The following TENM2 variants were observed in gnomAD, a reference collection of about 807,000 sequenced individuals.
TENM2 encodes teneurin-2.
In TENM2, 52 loss-of-function variants were observed where a neutral mutation model predicts 245.2. The observed-to-expected ratio is 0.21, with a 90% CI of 0.17 to 0.27. The LOEUF (loss-of-function observed/expected upper bound fraction) is 0.27. TENM2 is among the 10% of genes least tolerant of loss of function. The probability of loss-of-function intolerance (pLI) is 1.00; values close to 1 mark genes in which losing one functional copy is unlikely to be tolerated. For synonymous variants in TENM2, 1,363 were observed against 1,438.9 expected (o/e 0.95, Z 1.19); for missense variants, 3,046 against 3,666.8 (o/e 0.83, Z 4.37).
chr5:167,493,288 A>AG (rs1768566040), intron 2 of TENM2, among the ~76,000 whole-genome samples: 1 of 152,048 alleles, frequency 6.6e-6, no homozygotes, highest in Admixed American at 6.6e-5. Flanking sequence ...TAAAAAGAAA[A>AG]GAAAAAAAAG....
At chr5:167,710,789 C>T (rs1389934415) in intron 2 of TENM2, among the ~76,000 whole-genome samples, 1 of 152,178 alleles carries the variant, frequency 6.6e-6, no homozygotes, top group East Asian at 1.9e-4. Context: ...CTTGTATCTA[C>T]TACAGATCAC....
At position 167,488,529 on chromosome 5, in the gene TENM2, C is replaced by T. The variant is rs533224844; in HGVS notation, c.502+113056C>T. Among the ~76,000 whole-genome samples the T allele has an allele frequency of 1.6e-4, 25 of 152,256 alleles. 2 individuals carry two copies. The South Asian group carries it at 5.0e-3, about 30-fold the overall frequency. ...CCTGGCCTTCCAGGATGGTTTTGCT[C>T]GTGACTCATTAACTACTGTTCTTCA... On this transcript the variant is annotated intron_variant, in intron 2 of 28. Coordinates refer to ENST00000518659, the Ensembl canonical transcript of TENM2.
At chr5:167,929,111 AAGAAAGAAAGAAAGAAAG>A (rs549107398) in intron 3 of TENM2, among the ~76,000 whole-genome samples, 1 of 142,508 alleles carries the variant, frequency 7.0e-6, no homozygotes, top group East Asian at 2.2e-4. Flanking sequence ...GAAAGAAAGA[AAGAAAGAAAGAAAGAAAG>A]AAAAGAAAGA....
intron 3 of TENM2, among the ~76,000 whole-genome samples, chr5:167,942,827 A>G (rs1779297377): frequency 6.6e-6 from 1 of 152,176 alleles, no homozygotes; most frequent in Non-Finnish European, 1.5e-5. Context: ...CCAGTAAACA[A>G]TTACCAGCAA....
intron 2 of TENM2, among the ~76,000 whole-genome samples, chr5:167,401,165 C>T (rs150184555): frequency 2.0e-5 from 3 of 152,192 alleles, no homozygotes; most frequent in Non-Finnish European, 2.9e-5. Context: ...GCGAACACTA[C>T]GTCCTGTACA....
chr5:167,607,789 G>GTGT (rs766073298), intron 2 of TENM2, among the ~76,000 whole-genome samples: 1 of 152,182 alleles, frequency 6.6e-6, no homozygotes, highest in Non-Finnish European at 1.5e-5. Flanking sequence ...TCCCTGCCCT[G>GTGT]TGTTGCTTCC....
the TENM2 span, among the ~76,000 whole-genome samples, chr5:167,108,180 C>T: frequency 6.8e-3 from 1,026 of 151,878 alleles, 7 homozygotes; most frequent in Non-Finnish European, 0.01. Context: ...CGCTGGAGTG[C>T]AGTGGTGCAA....
chr5:167,390,029 A>G lies in TENM2; in HGVS notation c.502+14556A>G, dbSNP rs189189956. Among the ~76,000 whole-genome samples, 9 of 152,312 alleles carry G rather than the reference A, an allele frequency of 5.9e-5. No individual in the cohort carries two copies. In the East Asian group the frequency reaches 1.7e-3, roughly 29 times the overall value. ...CTACAGTGATCCCAGATCAATGTCT[A>G]CAGTGATCCCAGGTCCTATTGTACC... On this transcript the variant is annotated intron_variant, in intron 2 of 28. Transcript: ENST00000518659.
chr5:168,153,924 G>C (rs1202336540), intron 12 of TENM2, among the ~76,000 whole-genome samples: 1 of 152,070 alleles, frequency 6.6e-6, no homozygotes, highest in African/African-American at 2.4e-5. Flanking sequence ...GTGCGTTTTA[G>C]CAACACGGTG....
chr5:167,605,284 A>T (rs1043799285), intron 2 of TENM2, among the ~76,000 whole-genome samples: 19 of 152,192 alleles, frequency 1.2e-4, no homozygotes, highest in Non-Finnish European at 7.3e-5. Context: ...CATTTAAAAA[A>T]TTCTTTTTTA....
chr5:168,217,890 G>A (rs1281392566), intron 22 of TENM2, among the ~76,000 whole-genome samples: 1 of 152,124 alleles, frequency 6.6e-6, no homozygotes, highest in Non-Finnish European at 1.5e-5. Context: ...CTGATGGCCT[G>A]TTCTGGTCAT....
chr5:167,484,914 A>G (rs1454171715), intron 2 of TENM2, among the ~76,000 whole-genome samples: 1 of 152,236 alleles, frequency 6.6e-6, no homozygotes, highest in African/African-American at 2.4e-5. Context: ...AATAAAATGA[A>G]AAACTTATCT....
intron 12 of TENM2, among the ~76,000 whole-genome samples, chr5:168,144,582 G>C (rs373665197): frequency 6.6e-6 from 1 of 151,254 alleles, no homozygotes; most frequent in Non-Finnish European, 1.5e-5. Flanking sequence ...GTCTATCATT[G>C]TTGGACATTT....
At chr5:167,804,918 C>T (rs867873745) in intron 2 of TENM2, among the ~76,000 whole-genome samples, 7 of 152,102 alleles carry the variant, frequency 4.6e-5, no homozygotes, top group Non-Finnish European at 1.0e-4. Flanking sequence ...ATGCTTATGG[C>T]TTTGGAAGTT....
the TENM2 span, among the ~76,000 whole-genome samples, chr5:167,209,823 T>C: frequency 6.6e-6 from 1 of 152,332 alleles, no homozygotes; most frequent in Admixed American, 6.5e-5. Flanking sequence ...TTCTGAGAAA[T>C]GCCTGATACT....
At chr5:168,225,895 G>A (rs912974920) in intron 23 of TENM2, among the ~76,000 whole-genome samples, 193 bp from the exon 26 acceptor site, 96 of 152,232 alleles carry the variant, frequency 6.3e-4, no homozygotes, top group African/African-American at 2.0e-3. Flanking sequence ...TATATCAGCG[G>A]GTAGAAGAAA....
intron 12 of TENM2, among the ~76,000 whole-genome samples, chr5:168,157,281 T>C (rs1210558546): frequency 6.6e-6 from 1 of 152,072 alleles, no homozygotes; most frequent in Non-Finnish European, 1.5e-5. Context: ...TAAAGTGATA[T>C]TGAGATAGGC....
At chr5:167,739,808 G>A (rs1432754934) in intron 2 of TENM2, among the ~76,000 whole-genome samples, 1 of 152,168 alleles carries the variant, frequency 6.6e-6, no homozygotes, top group African/African-American at 2.4e-5. Flanking sequence ...CGTTTGGAGT[G>A]CAGAGTTGAG....
intron 4 of TENM2, among the ~76,000 whole-genome samples, chr5:167,978,952 T>A (rs1782637007): frequency 6.6e-6 from 1 of 151,994 alleles, no homozygotes; most frequent in Non-Finnish European, 1.5e-5. Flanking sequence ...CCTAGAAAGG[T>A]GCCAGGAAAA....
Sources: gnomAD v4.1 joint callset for allele counts (sites outside exome capture counted in the v4.1 genomes callset) on GRCh38, gnomAD v4.1.1 for gene constraint, MANE v1.5 for transcripts, NCBI Gene and HGNC (gene_info 2026-07-23, HGNC 2026-07-21) for gene names.